Variants in MTCL1 observed in about 807,000 individuals in gnomAD.
MTCL1 encodes microtubule crosslinking factor 1.
Under a neutral mutation model 141.4 loss-of-function variants are expected in MTCL1, and 79 were observed. The ratio of observed to expected loss-of-function variants is 0.56; its 90% CI spans 0.47 to 0.67. The LOEUF is 0.67. MTCL1 is among the 30% of genes least tolerant of loss of function. The probability of loss-of-function intolerance (pLI) is 0.00; values close to 1 mark genes in which losing one functional copy is unlikely to be tolerated. For missense variants in MTCL1, 2,177 were observed against 2,113.9 expected (o/e 1.03, Z -0.59); for synonymous variants, 914 against 875.8 (o/e 1.04, Z -0.77).
chr18:8,825,857 C>A lies in MTCL1; in HGVS notation c.4347C>A (p.Ile1449=), dbSNP rs367931106. The change falls in exon 15 of 17, where the codon ATC becomes ATA. Residue 1449 remains isoleucine (I), a synonymous_variant. Coordinates refer to ENST00000359865, the Ensembl canonical transcript of MTCL1. ...ATGGCCTCTCCAGCCTCTTCAACATCATTGACCACAGCCCCGTGGTGCAGG... is the reference window on the plus strand; with the variant it reads ...ATGGCCTCTCCAGCCTCTTCAACATAATTGACCACAGCCCCGTGGTGCAGG... The A allele has an allele frequency of 1.9e-5, 30 of 1,614,200 alleles. No individual in the cohort carries two copies. The highest frequency in any genetic ancestry group is 2.2e-5 in the Non-Finnish European group (26 of 1,180,034).
At chr18:8,729,027 C>T (rs986138346) in intron 4 of MTCL1, among the ~76,000 whole-genome samples, 20 of 151,614 alleles carry the variant, frequency 1.3e-4, no homozygotes, top group African/African-American at 4.1e-4. Context: ...TGAGCCACCA[C>T]GCCCAGCTGG....
At chr18:8,794,280 TGAA>T (rs202226789) in intron 8 of MTCL1, among the ~76,000 whole-genome samples, 3 of 152,144 alleles carry the variant, frequency 2.0e-5, no homozygotes, top group African/African-American at 7.2e-5. Flanking sequence ...GGGTTAATGA[TGAA>T]GGAGTATTGC....
intron 12 of MTCL1, among the ~76,000 whole-genome samples, chr18:8,817,252 CTTT>C (rs35022661): frequency 1.9e-4 from 22 of 118,250 alleles, no homozygotes; most frequent in African/African-American, 2.6e-4. Context: ...AAAGCCTTCC[CTTT>C]TTTTTTTTTT....
upstream of MTCL1, among the ~76,000 whole-genome samples, chr18:8,713,407 C>T (rs543372429): frequency 3.9e-5 from 6 of 152,310 alleles, no homozygotes; most frequent in South Asian, 1.2e-3. Flanking sequence ...CTAAATTACA[C>T]CTGTCAGAAA....
At position 8,720,505 on chromosome 18, in the gene MTCL1, A is replaced by G; in HGVS notation, c.357+9A>G. The G allele has an allele frequency of 6.2e-7, 1 of 1,612,870 alleles. No individual in the cohort carries two copies. The highest frequency in any genetic ancestry group is 8.5e-7 in the Non-Finnish European group (1 of 1,179,270). On this transcript the variant is annotated intron_variant, in intron 4 of 16. Transcript: ENST00000359865. ...TGGAGAGACTGAAAGAGGTAATCCA[A>G]AACTGTGGGGGTCCTGCCCCCTTGG...
chr18:8,759,582 C>T (rs143493849), intron 4 of MTCL1, among the ~76,000 whole-genome samples: 1 of 152,066 alleles, frequency 6.6e-6, no homozygotes, highest in Non-Finnish European at 1.5e-5. Flanking sequence ...TTGTCACAAC[C>T]CAAAAACAAT....
chr18:8,824,918 C>G (rs373407188), exon 15 of MTCL1: 59 of 1,613,636 alleles, frequency 3.7e-5, no homozygotes, highest in Middle Eastern at 1.6e-4. Context: ...CCGACAGGAC[C>G]GAGGTGGGGC....
chr18:8,829,078 G>A (rs2077116635), intron 16 of MTCL1: 4 of 1,565,634 alleles, frequency 2.6e-6, no homozygotes, highest in Middle Eastern at 2.2e-4. Context: ...CGGTACCCTC[G>A]CTCACCCCAA....
intron 16 of MTCL1, chr18:8,829,811 T>C (rs1157871103): frequency 2.0e-6 from 2 of 985,132 alleles, no homozygotes; most frequent in African/African-American, 3.5e-5. Flanking sequence ...CCACAGTGGC[T>C]TCTCGGGAAA....
chr18:8,825,291 C>T lies in MTCL1; in HGVS notation c.3781C>T (p.Leu1261Phe), dbSNP rs143381223. 4.8e-4 allele frequency: 740 copies of T among 1,549,416 alleles called. 1 individual carries two copies. The highest frequency in any genetic ancestry group is 6.2e-4 in the Non-Finnish European group (714 of 1,150,570). ...GGCACGGCGCCCCCTTGATAGTCCC[C>T]TCTGTACCTCCCTGGGGTTTGCCTC... Residue 1261 changes from leucine (L) to phenylalanine (F), a missense_variant, in exon 15 of 17, where the codon CTC becomes TTC. Physicochemically the swap from Leu to Phe is conservative, Grantham distance 22. Transcript: ENST00000359865.
At chr18:8,777,106 G>A (rs1337606105) in intron 4 of MTCL1, among the ~76,000 whole-genome samples, 2 of 152,134 alleles carry the variant, frequency 1.3e-5, no homozygotes, top group African/African-American at 2.4e-5. Flanking sequence ...CGTGGTGGCA[G>A]GTGCCTATAG....
intron 4 of MTCL1, among the ~76,000 whole-genome samples, chr18:8,722,329 C>T (rs573676336): frequency 1.3e-5 from 2 of 152,108 alleles, no homozygotes; most frequent in South Asian, 2.1e-4. Context: ...GAGGCTGAGG[C>T]GGGAGGATTG....
chr18:8,774,540 T>C (rs182117888), intron 4 of MTCL1, among the ~76,000 whole-genome samples: 5 of 152,198 alleles, frequency 3.3e-5, no homozygotes, highest in African/African-American at 9.6e-5. Flanking sequence ...CAGGCTGGAG[T>C]GCAACGGCGC....
At position 8,813,423 on chromosome 18, in the gene MTCL1, G is replaced by A. The variant is rs2076552178; in HGVS notation, c.2859+190G>A. Among the ~76,000 whole-genome samples the A allele has an allele frequency of 2.0e-5, 3 of 146,754 alleles. No individual in the cohort carries two copies. In the South Asian group the frequency reaches 7.1e-4, roughly 35 times the overall value. ...AAGGCTCATGCCTCTCCATGACACA[G>A]ATCTTTTCTTTGCAAAGTTCATAGG... On this transcript the variant is annotated intron_variant, in intron 12 of 16. Coordinates refer to ENST00000359865, the Ensembl canonical transcript of MTCL1.
intron 4 of MTCL1, among the ~76,000 whole-genome samples, chr18:8,735,784 T>C (rs1206405219): frequency 1.3e-5 from 2 of 152,140 alleles, no homozygotes; most frequent in African/African-American, 2.4e-5. Flanking sequence ...ACACCTCCCC[T>C]TGAGAAACTC....
Position 8,822,235 on chromosome 18 carries a change from A to C in MTCL1, c.3188+737A>C, listed in dbSNP as rs2076868158. Among the ~76,000 whole-genome samples the C allele has an allele frequency of 6.6e-6, 1 of 152,214 alleles. No homozygotes were observed. Among genetic ancestry groups the C allele is most frequent in the Admixed American group, 6.5e-5 (1 of 15,276 alleles). On this transcript the variant is annotated intron_variant, in intron 14 of 16. Coordinates refer to ENST00000359865, the Ensembl canonical transcript of MTCL1. This position sits in a 1 kb window ranked among gnomAD's most constrained non-coding sequence, Gnocchi z 4.6. Reference sequence around the variant, plus strand: ...TTCTCTGGTCTTTCTTGGGTGGTACAGGACAGTACTTGAGAGCTCAGGCTC... The same window carrying C: ...TTCTCTGGTCTTTCTTGGGTGGTACCGGACAGTACTTGAGAGCTCAGGCTC...
intron 4 of MTCL1, among the ~76,000 whole-genome samples, chr18:8,724,134 T>C (rs1188995607): frequency 6.6e-6 from 1 of 152,114 alleles, no homozygotes; most frequent in Non-Finnish European, 1.5e-5. Context: ...AAATGGTTTG[T>C]TTTCTGTTAC....
In MTCL1 at chr18:8,784,195, G is replaced by C. The variant is rs114352059; in HGVS notation, c.1083G>C (p.Ala361=). 7.4e-6 allele frequency: 12 copies of C among 1,613,748 alleles called. No individual in the cohort carries two copies. The East Asian group carries it at 2.7e-4, about 36-fold the overall frequency. Residue 361 remains alanine (A), a synonymous_variant, in exon 6 of 17, where the codon GCG becomes GCC. Coordinates refer to ENST00000359865, the Ensembl canonical transcript of MTCL1. ...TCAAACTGCAGCACGAGAACCACGCGCTGCTGTCCAACATCCAGCGCTGCG... is the reference window on the plus strand; with the variant it reads ...TCAAACTGCAGCACGAGAACCACGCCCTGCTGTCCAACATCCAGCGCTGCG...
At position 8,830,779 on chromosome 18, in the gene MTCL1, T is replaced by C. The variant is rs970940030; in HGVS notation, c.*19-828T>C. 2 of 985,304 alleles carry C rather than the reference T, an allele frequency of 2.0e-6. No individual in the cohort carries two copies. The highest frequency in any genetic ancestry group is 3.5e-5 in the African/African-American group (2 of 57,232). The allele number at this position is 985,304 out of a possible 1,614,324, so 61.0% of individuals were successfully genotyped here. On this transcript the variant is annotated intron_variant, in intron 16 of 16. Coordinates refer to ENST00000359865, the Ensembl canonical transcript of MTCL1. This position sits in a 1 kb window ranked among gnomAD's most constrained non-coding sequence, Gnocchi z 6.4. The stretch of plus-strand genomic sequence containing the variant: ...TTTTACATTTCTGTGTATCAGCAAA[T>C]TCCAAATTTGGGTGTCCTGGTTTTG...
Sources: gnomAD v4.1 joint callset for allele counts (sites outside exome capture counted in the v4.1 genomes callset) on GRCh38, gnomAD v4.1.1 for gene constraint, Gnocchi (gnomAD v3.1) non-coding constraint, MANE v1.5 for transcripts, NCBI Gene and HGNC (gene_info 2026-07-23, HGNC 2026-07-21) for gene names.